The following ZNF442 variants were observed in gnomAD, a reference collection of about 807,000 sequenced individuals.
The protein encoded by ZNF442 is zinc finger protein 442.
ZNF442 carries 45 observed loss-of-function variants against 57.0 expected under a neutral mutation model. The ratio of observed to expected loss-of-function variants is 0.79; its 90% CI spans 0.62 to 1.01. The LOEUF is 1.01. ZNF442 is among the 50% of genes least tolerant of loss of function. The probability of loss-of-function intolerance (pLI) is 0.00; values close to 1 mark genes in which losing one functional copy is unlikely to be tolerated. For synonymous variants in ZNF442, 213 were observed against 241.8 expected (o/e 0.88, Z 1.10); for missense variants, 690 against 756.5 (o/e 0.91, Z 1.03).
At chr19:12,370,552 G>C (rs1026601585), upstream of ZNF442, among the ~76,000 whole-genome samples, 2 of 152,084 alleles carry the variant, frequency 1.3e-5, no homozygotes, top group African/African-American at 4.8e-5. Context: ...CTCTGGTTTT[G>C]AGCAGGCCTT....
At chr19:12,367,729 C>T (rs1344226515), upstream of ZNF442, among the ~76,000 whole-genome samples, 2 of 152,016 alleles carry the variant, frequency 1.3e-5, no homozygotes, top group Non-Finnish European at 2.9e-5. Context: ...AGTGCAGTGG[C>T]ACAATCTCGG....
intron 3 of ZNF442, among the ~76,000 whole-genome samples, chr19:12,356,522 G>A (rs1969331854): frequency 6.6e-6 from 1 of 151,886 alleles, no homozygotes; most frequent in Non-Finnish European, 1.5e-5. Context: ...AGCTATTCAG[G>A]AGGCTGAGGC....
At chr19:12,371,494 A>G in the ZNF442 span, among the ~76,000 whole-genome samples, 2 of 152,232 alleles carry the variant, frequency 1.3e-5, no homozygotes, top group Non-Finnish European at 2.9e-5. Flanking sequence ...GTTTATGTTC[A>G]GATTTTGCAT....
In ZNF442 at chr19:12,347,171, T is replaced by G. The variant is rs1451358039; in HGVS notation, c.*2530A>C. On this transcript the variant is annotated 3_prime_UTR_variant, in exon 6 of 6. Coordinates refer to ENST00000242804, the MANE Select transcript of ZNF442 (RefSeq NM_030824.3). ...TATATTTCACTACAAGTTATTCTCATGAATACTTCAATGAAACAGCTCTTA... is the reference window on the plus strand; with the variant it reads ...TATATTTCACTACAAGTTATTCTCAGGAATACTTCAATGAAACAGCTCTTA... 1 of 152,204 alleles carries G rather than the reference T, an allele frequency of 6.6e-6. No homozygotes were observed. Among genetic ancestry groups the G allele is most frequent in the African/African-American group, 2.4e-5 (1 of 41,452 alleles). 9.4% of individuals were successfully genotyped at this position (152,204 alleles called of 1,614,324 possible).
upstream of ZNF442, among the ~76,000 whole-genome samples, chr19:12,369,542 C>T (rs1004476784): frequency 6.6e-6 from 1 of 151,824 alleles, no homozygotes; most frequent in Non-Finnish European, 1.5e-5. Flanking sequence ...CGCTTGAACC[C>T]AGGAGGCAGG....
At chr19:12,372,496 C>A in the ZNF442 span, among the ~76,000 whole-genome samples, 1 of 151,878 alleles carries the variant, frequency 6.6e-6, no homozygotes, top group Non-Finnish European at 1.5e-5. Flanking sequence ...ACACTTCAAT[C>A]AATGCAATCA....
rs186689542 is a variant in ZNF442 at position 12,352,060 on chromosome 19, C to G, written c.216G>C (p.Trp72Cys). ...GCTGATCTTCAATGTTTGTGTCTTCCCATTTCATTCCTAAAAGGTGGACAC... is the reference window on the plus strand; with the variant it reads ...GCTGATCTTCAATGTTTGTGTCTTCGCATTTCATTCCTAAAAGGTGGACAC... ...IRNLDCIGMK[W>C]EDTNIEDQHR... Residue 72 changes from tryptophan to cysteine, a missense_variant, in exon 5 of 6, where the codon TGG (tryptophan) becomes TGC (cysteine). Transcript: ENST00000242804. The G allele has an allele frequency of 3.7e-6, 6 of 1,613,360 alleles. No homozygotes were observed.
chr19:12,370,289 G>A (rs1969570313), upstream of ZNF442, among the ~76,000 whole-genome samples: 1 of 151,810 alleles, frequency 6.6e-6, no homozygotes, highest in African/African-American at 2.4e-5. Context: ...CCTTGTGTGC[G>A]CAGCTCACAA....
Position 12,348,789 on chromosome 19 carries a change from C to G in ZNF442, c.*912G>C, listed in dbSNP as rs548965892. 4.6e-5 allele frequency: 7 copies of G among 152,048 alleles called. No individual in the cohort carries two copies. Among genetic ancestry groups the G allele is most frequent in the Admixed American group, 6.6e-5 (1 of 15,264 alleles). 9.4% of individuals were successfully genotyped at this position (152,048 alleles called of 1,614,324 possible). A position where few individuals can be genotyped will look rare whatever the true frequency, so the allele number is the denominator to read the frequency against. On this transcript the variant is annotated 3_prime_UTR_variant, in exon 6 of 6. Coordinates refer to ENST00000242804, the MANE Select transcript of ZNF442 (RefSeq NM_030824.3). ...TCAGCATCATCATGATCATGATCAT[C>G]ATCATCATCCTTGGGTTATCAAGCA...
rs2144811299 is a variant in ZNF442, at chr19:12,351,166, T to C, written c.419A>G (p.His140Arg). The C allele has an allele frequency of 6.2e-7, 1 of 1,614,172 alleles. No individual in the cohort carries two copies. The highest frequency in any genetic ancestry group is 8.5e-7 in the Non-Finnish European group (1 of 1,180,014). ...LNCYITFDAG[H>R]KPDECQEYGE... is the part of the protein sequence containing the mutation. ...ATATTCCTGACACTCATCTGGTTTG[T>C]GTCCAGCATCAAATGTGATATAGCA... The change falls in exon 6 of 6, where the codon CAC (histidine) becomes CGC (arginine). Residue 140 changes from histidine (H) to arginine (R), a missense_variant. Coordinates refer to ENST00000242804, the MANE Select transcript of ZNF442 (RefSeq NM_030824.3).
At chr19:12,359,405 T>C (rs77402296) in intron 3 of ZNF442, among the ~76,000 whole-genome samples, 7,356 of 152,236 alleles carry the variant, frequency 0.048, 588 homozygotes, top group African/African-American at 0.17. Flanking sequence ...AAGCACCCTT[T>C]GCTTACATAG....
At chr19:12,370,315 T>C (rs1350257791), upstream of ZNF442, among the ~76,000 whole-genome samples, 1 of 151,924 alleles carries the variant, frequency 6.6e-6, no homozygotes, top group Non-Finnish European at 1.5e-5. Flanking sequence ...TTCGTGCTCC[T>C]ATGAGAATCT....
At chr19:12,352,895 TC>T in intron 4 of ZNF442, 92 bp downstream of exon 4, 1 of 1,463,786 alleles carries the variant, frequency 6.8e-7, no homozygotes, top group South Asian at 1.3e-5. Context: ...GTCAACTATA[TC>T]CCCTTTCGGT....
Position 12,353,077 on chromosome 19 carries a change from G to A in ZNF442, c.116C>T (p.Thr39Ile), listed in dbSNP as rs768315098. ...ACCCAGCAAAGCCCACTCTTCCTGG[G>A]TGAAGTTCACCGCCACATCCTCAAA... is the stretch of plus-strand genomic sequence containing the variant. ...VAFEDVAVNF[T>I]QEEWALLGPS... Residue 39 changes from threonine to isoleucine, a missense_variant, in exon 4 of 6, where the codon ACC (threonine) becomes ATC (isoleucine). By Grantham distance (89) the Thr-to-Ile change is moderately conservative (BLOSUM62 -1). Transcript: ENST00000242804. The A allele has an allele frequency of 6.2e-7, 1 of 1,613,378 alleles. No homozygotes were observed. Among genetic ancestry groups the A allele is most frequent in the South Asian group, 1.1e-5 (1 of 90,974 alleles).
the ZNF442 span, among the ~76,000 whole-genome samples, chr19:12,370,984 AAAAG>A: frequency 1.3e-4 from 20 of 151,058 alleles, no homozygotes; most frequent in South Asian, 2.7e-3. Flanking sequence ...AAAAAAAAAA[AAAAG>A]AAAGAAAAGA....
upstream of ZNF442, among the ~76,000 whole-genome samples, chr19:12,369,403 G>A (rs1969563170): frequency 6.6e-6 from 1 of 152,152 alleles, no homozygotes; most frequent in South Asian, 2.1e-4. Context: ...TGGATCACCT[G>A]AGGTCGGGAG....
At chr19:12,359,157 A>G (rs1969382744) in intron 3 of ZNF442, among the ~76,000 whole-genome samples, 1 of 152,132 alleles carries the variant, frequency 6.6e-6, no homozygotes, top group Admixed American at 6.6e-5. Flanking sequence ...AGATTCATAA[A>G]CCCTTTTTCC....
At chr19:12,356,497 G>T (rs1267571443) in intron 3 of ZNF442, among the ~76,000 whole-genome samples, 1 of 151,886 alleles carries the variant, frequency 6.6e-6, no homozygotes, top group Non-Finnish European at 1.5e-5. Context: ...CATGGTGGCG[G>T]GTGCCTGTAA....
chr19:12,351,663 G>A (rs978037399), intron 5 of ZNF442: 8 of 301,918 alleles, frequency 2.6e-5, no homozygotes, highest in Middle Eastern at 1.1e-3. Flanking sequence ...GCGCCACCAC[G>A]CCCAGCTAAT....
Sources: gnomAD v4.1 joint callset for allele counts (sites outside exome capture counted in the v4.1 genomes callset) on GRCh38, gnomAD v4.1.1 for gene constraint, MANE v1.5 for transcripts, NCBI Gene and HGNC (gene_info 2026-07-23, HGNC 2026-07-21) for gene names.